VAV2: variants seen among roughly 807,000 people sequenced by gnomAD.
The protein encoded by VAV2 is guanine nucleotide exchange factor VAV2.
Under a neutral mutation model 132.5 loss-of-function variants are expected in VAV2, and 67 were observed. The ratio of observed to expected loss-of-function variants is 0.51; its 90% CI spans 0.42 to 0.62. VAV2 has a LOEUF of 0.62. Among genes scored for constraint, VAV2 ranks in the 20% least tolerant of loss-of-function variants. VAV2 has a pLI of 0.00. For synonymous variants in VAV2, 492 were observed against 443.5 expected (o/e 1.11, Z -1.37); for missense variants, 938 against 1,153.6 (o/e 0.81, Z 2.71).
chr9:133,979,838 G>A (rs752541388), intron 1 of VAV2, among the ~76,000 whole-genome samples: 23 of 152,186 alleles, frequency 1.5e-4, no homozygotes, highest in African/African-American at 4.8e-5. Flanking sequence ...GCACCCCACC[G>A]CCCTGTCACC....
rs1486174711 is a variant in VAV2, at chr9:133,826,981, A to G, written c.449+7291T>C. On this transcript the variant is annotated intron_variant, in intron 4 of 29. Transcript: ENST00000371850. This position sits in a 1 kb window ranked among gnomAD's most constrained non-coding sequence, Gnocchi z 4.2. ...TGCCCTTTCCAAATCCTCCTCCATCAAGGCCTGGAAGCATTCCCAGGGCCC... is the reference window on the plus strand; with the variant it reads ...TGCCCTTTCCAAATCCTCCTCCATCGAGGCCTGGAAGCATTCCCAGGGCCC... Among the ~76,000 whole-genome samples, 2 of 152,006 alleles carry G rather than the reference A, an allele frequency of 1.3e-5. No homozygotes were observed. Among genetic ancestry groups the G allele is most frequent in the African/African-American group, 2.4e-5 (1 of 41,368 alleles).
chr9:133,987,425 G>C (rs1842890279), intron 1 of VAV2, among the ~76,000 whole-genome samples: 1 of 152,248 alleles, frequency 6.6e-6, no homozygotes, highest in East Asian at 1.9e-4. Flanking sequence ...GAAGAACCAG[G>C]CTAGAAGGAG....
At chr9:133,888,090 G>C (rs913572836) in intron 2 of VAV2, among the ~76,000 whole-genome samples, 5 of 152,184 alleles carry the variant, frequency 3.3e-5, no homozygotes, top group Admixed American at 3.3e-4. Flanking sequence ...AGTCACAAAG[G>C]ACAAATACCA....
At chr9:133,805,246 G>A (rs1835086940) in intron 9 of VAV2, among the ~76,000 whole-genome samples, 2 of 152,124 alleles carry the variant, frequency 1.3e-5, no homozygotes, top group Admixed American at 6.5e-5. Context: ...CAACTCCCCA[G>A]GCCCCAGAGC....
chr9:133,974,047 G>C lies in VAV2; in HGVS notation c.204+18028C>G, dbSNP rs1023811969. Among the ~76,000 whole-genome samples, 7 of 152,250 alleles carry C rather than the reference G, an allele frequency of 4.6e-5. 1 individual carries two copies. Among genetic ancestry groups the C allele is most frequent in the East Asian group, 3.9e-4 (2 of 5,170 alleles). Reference sequence around the variant, plus strand: ...CAGAACGCTCCCTTCACGCTCACCTGGCGCACTGTCACGCAGGGCTCAGCT... The same window carrying C: ...CAGAACGCTCCCTTCACGCTCACCTCGCGCACTGTCACGCAGGGCTCAGCT... On this transcript the variant is annotated intron_variant, in intron 1 of 29. Coordinates refer to ENST00000371850, the MANE Select transcript of VAV2 (RefSeq NM_001134398.2).
At chr9:133,916,744 G>A (rs1028030821) in intron 2 of VAV2, among the ~76,000 whole-genome samples, 4 of 152,272 alleles carry the variant, frequency 2.6e-5, no homozygotes, top group South Asian at 4.2e-4. Flanking sequence ...AGGACACCCC[G>A]GATGCCTCCA....
Position 133,879,203 on chromosome 9 carries a change from C to T in VAV2, c.322-17771G>A, listed in dbSNP as rs1039432142. On this transcript the variant is annotated intron_variant, in intron 2 of 29. Coordinates refer to ENST00000371850, the MANE Select transcript of VAV2 (RefSeq NM_001134398.2). This position sits in a 1 kb window ranked among gnomAD's most constrained non-coding sequence, Gnocchi z 4.4. ...CCCCAGGCCCTCCTCTGTAACGAGG[C>T]CCTCTGGGGGCTCTTGCTTCCTCAC... Among the ~76,000 whole-genome samples, 3 of 152,198 alleles carry T rather than the reference C, an allele frequency of 2.0e-5. No homozygotes were observed. The highest frequency in any genetic ancestry group is 7.2e-5 in the African/African-American group (3 of 41,444).
chr9:133,789,138 G>T (rs10993800), intron 14 of VAV2, 120 bp downstream of exon 14: 5 of 1,085,462 alleles, frequency 4.6e-6, no homozygotes, highest in Admixed American at 2.2e-5. Flanking sequence ...CAAAGCCACC[G>T]CCAGGCAGCT....
chr9:133,893,266 CAGGGTGG>C (rs1269890311), intron 2 of VAV2, among the ~76,000 whole-genome samples: 1 of 152,030 alleles, frequency 6.6e-6, no homozygotes, highest in Non-Finnish European at 1.5e-5. Flanking sequence ...CCCACAGCTG[CAGGGTGG>C]AGGGTGGAGA....
At position 133,969,694 on chromosome 9, in the gene VAV2, A is replaced by G. The variant is rs943847988; in HGVS notation, c.204+22381T>C. 5.9e-5 allele frequency among the ~76,000 whole-genome samples: 9 copies of G among 151,640 alleles called. No individual in the cohort carries two copies. The highest frequency in any genetic ancestry group is 1.7e-4 in the African/African-American group (7 of 41,254). On this transcript the variant is annotated intron_variant, in intron 1 of 29. Coordinates refer to ENST00000371850, the MANE Select transcript of VAV2 (RefSeq NM_001134398.2). The surrounding 1 kb of genome is among the most constrained non-coding windows in gnomAD (Gnocchi z 5.1). ...CTGACCCCAGAGCACCCTCTTCATC[A>G]CCCAAGTCCAATCCACCCCAAGCCC...
chr9:133,909,342 G>C (rs2789826), intron 2 of VAV2, among the ~76,000 whole-genome samples: 144,152 of 152,262 alleles, frequency 0.95, 68,394 homozygotes, highest in East Asian at 1. Context: ...AGCTCAGCAG[G>C]AGGTTCAAAA....
At chr9:133,959,705 G>GT (rs1266022008) in intron 1 of VAV2, among the ~76,000 whole-genome samples, 2 of 152,336 alleles carry the variant, frequency 1.3e-5, no homozygotes, top group East Asian at 3.9e-4. Flanking sequence ...TCAAGAAGAG[G>GT]CCATCCCAGG....
intron 1 of VAV2, among the ~76,000 whole-genome samples, chr9:133,952,609 A>G (rs979878237): frequency 2.0e-5 from 3 of 151,618 alleles, no homozygotes; most frequent in African/African-American, 7.3e-5. Flanking sequence ...TCTCGGGGAA[A>G]AAAAAAACAA....
intron 19 of VAV2, 138 bp downstream of exon 19, chr9:133,783,365 G>T (rs1834079559): frequency 3.9e-6 from 3 of 764,608 alleles, no homozygotes; most frequent in Non-Finnish European, 6.8e-6. Flanking sequence ...GTCTGCTCTG[G>T]GGCACGTGAG....
intron 17 of VAV2, among the ~76,000 whole-genome samples, chr9:133,785,252 A>G (rs1056453204): frequency 1.3e-5 from 2 of 152,238 alleles, no homozygotes; most frequent in Non-Finnish European, 2.9e-5. Flanking sequence ...GCTCAAGCAC[A>G]GACAACCCTG....
chr9:133,987,679 G>A (rs1036220950), intron 1 of VAV2, among the ~76,000 whole-genome samples: 1 of 152,200 alleles, frequency 6.6e-6, no homozygotes, highest in African/African-American at 2.4e-5. Flanking sequence ...GCAAGTCAGA[G>A]GCTGGGCGGC....
intron 2 of VAV2, among the ~76,000 whole-genome samples, chr9:133,887,453 G>A (rs1409347575): frequency 6.6e-6 from 1 of 152,092 alleles, no homozygotes; most frequent in Non-Finnish European, 1.5e-5. Context: ...TCTAAAAACA[G>A]CAATGGCAGC....
At chr9:133,856,722 C>T (rs140994894) in intron 3 of VAV2, among the ~76,000 whole-genome samples, 21 of 152,246 alleles carry the variant, frequency 1.4e-4, no homozygotes, top group African/African-American at 4.6e-4. Context: ...CAGGAGGTGC[C>T]GGGGAGAATT....
intron 26 of VAV2, 64 bp downstream of exon 26, chr9:133,771,895 C>T (rs962820666): frequency 6.9e-7 from 1 of 1,458,886 alleles, no homozygotes; most frequent in Non-Finnish European, 9.6e-7. Context: ...TCGCTCAGGG[C>T]CGGGAGGAAG....
Sources: allele counts gnomAD v4.1 joint callset (sites outside exome capture counted in the v4.1 genomes callset), GRCh38; gene constraint gnomAD v4.1.1; non-coding constraint Gnocchi (gnomAD v3.1); transcripts MANE v1.5; gene names NCBI Gene and HGNC (gene_info 2026-07-23, HGNC 2026-07-21).